The following ACTL8 variants were observed in gnomAD, a reference collection of about 807,000 sequenced individuals.
The protein encoded by ACTL8 is actin-like protein 8.
In ACTL8, 3 loss-of-function variants were observed where a neutral mutation model predicts 9.3. The ratio of observed to expected loss-of-function variants is 0.32; its 90% CI spans 0.15 to 0.83. The LOEUF is 0.83. Ranked by LOEUF, ACTL8 falls within the 40% of genes least tolerant of loss-of-function variation. ACTL8 has a pLI of 0.57. For missense variants in ACTL8, 381 were observed against 492.2 expected (o/e 0.77, Z 2.14); for synonymous variants, 224 against 205.9 (o/e 1.09, Z -0.75).
intron 1 of ACTL8, among the ~76,000 whole-genome samples, chr1:17,760,360 G>A (rs955809580): frequency 6.6e-6 from 1 of 152,196 alleles, no homozygotes; most frequent in Non-Finnish European, 1.5e-5. Context: ...TGGTGACTTG[G>A]TGTGGGACTT....
chr1:17,776,016 G>A (rs1170791281), intron 1 of ACTL8, among the ~76,000 whole-genome samples: 3 of 152,198 alleles, frequency 2.0e-5, no homozygotes, highest in Non-Finnish European at 2.9e-5. Flanking sequence ...TCCAGATGCT[G>A]AGGTTCAGGG....
intron 1 of ACTL8, among the ~76,000 whole-genome samples, chr1:17,756,685 T>C (rs913646809): frequency 6.6e-6 from 1 of 152,048 alleles, no homozygotes; most frequent in Non-Finnish European, 1.5e-5. Context: ...AGAGGTACCA[T>C]TTTGGGAGTG....
intron 1 of ACTL8, among the ~76,000 whole-genome samples, chr1:17,803,195 T>C (rs76087650): frequency 0.16 from 24,351 of 151,858 alleles, 2,671 homozygotes; most frequent in African/African-American, 0.3. Context: ...TTATAAGGGG[T>C]TTCCCGCCCC....
intron 1 of ACTL8, among the ~76,000 whole-genome samples, chr1:17,807,372 C>T (rs1349896553): frequency 6.6e-6 from 1 of 152,138 alleles, no homozygotes; most frequent in Non-Finnish European, 1.5e-5. Context: ...CTGGTTCAGT[C>T]CTTGCTCAGC....
At chr1:17,799,007 C>T (rs1416702065) in intron 1 of ACTL8, among the ~76,000 whole-genome samples, 1 of 152,216 alleles carries the variant, frequency 6.6e-6, no homozygotes, top group Non-Finnish European at 1.5e-5. Context: ...CGGATGCATT[C>T]CTGGCTCAGC....
chr1:17,777,453 T>C (rs1162616966), intron 1 of ACTL8, among the ~76,000 whole-genome samples: 1 of 152,102 alleles, frequency 6.6e-6, no homozygotes, highest in Non-Finnish European at 1.5e-5. Flanking sequence ...TTCCACCAGA[T>C]AAACACGTGC....
At chr1:17,762,764 C>T (rs1436576394) in intron 1 of ACTL8, among the ~76,000 whole-genome samples, 1 of 152,072 alleles carries the variant, frequency 6.6e-6, no homozygotes, top group Non-Finnish European at 1.5e-5. Flanking sequence ...CTTGGTGCCC[C>T]CCGCCCCCCA....
At chr1:17,807,491 G>A (rs1022626553) in intron 1 of ACTL8, among the ~76,000 whole-genome samples, 1 of 152,138 alleles carries the variant, frequency 6.6e-6, no homozygotes, top group Non-Finnish European at 1.5e-5. Context: ...CTGGGGAAAC[G>A]AGGAGTGAAG....
At chr1:17,816,470 C>G (rs1450392863) in intron 1 of ACTL8, among the ~76,000 whole-genome samples, 1 of 152,192 alleles carries the variant, frequency 6.6e-6, no homozygotes, top group East Asian at 1.9e-4. Flanking sequence ...TCCCAAAGTG[C>G]TAGTATTACA....
In ACTL8 at chr1:17,826,355, A is replaced by C. The variant is rs745814523; in HGVS notation, c.937A>C (p.Arg313=). The change falls in exon 3 of 3, where the codon AGG becomes CGG. Residue 313 remains arginine (R), a synonymous_variant. Transcript: ENST00000375406. The surrounding 1 kb of genome is among the most constrained non-coding windows in gnomAD (Gnocchi z 4.5). The part of the protein sequence containing the change: ...LYPGFTKRLF[R]ELMGDHVSST... ...TCCCGGGTTCACAAAGCGCCTGTTC[A>C]GGGAGCTGATGGGGGATCACGTCTC... 38 of 1,613,932 alleles carry C rather than the reference A, an allele frequency of 2.4e-5. No homozygotes were observed. The highest frequency in any genetic ancestry group is 3.1e-5 in the Non-Finnish European group (36 of 1,180,004).
At position 17,827,063 on chromosome 1, in the gene ACTL8, A is replaced by G. The variant is rs1171410788; in HGVS notation, c.*544A>G. On this transcript the variant is annotated 3_prime_UTR_variant, in exon 3 of 3. Transcript: ENST00000375406. Reference sequence around the variant, plus strand: ...CAAATAAATAGCTTGTTTGGAAGCAATGCTGGCTCCTGTGATGGATGGGGG... The same window carrying G: ...CAAATAAATAGCTTGTTTGGAAGCAGTGCTGGCTCCTGTGATGGATGGGGG... 2 of 152,438 alleles carry G rather than the reference A, an allele frequency of 1.3e-5. No homozygotes were observed. Among genetic ancestry groups the G allele is most frequent in the East Asian group, 1.9e-4 (1 of 5,192 alleles). The allele number at this position is 152,438 out of a possible 1,614,324, so 9.4% of individuals were successfully genotyped here.
rs2065962807 is a variant in ACTL8, at chr1:17,755,593, C to T, written c.-25+89C>T. ...TTTTTTGTCCTTCCTGTGGCACAGC[C>T]ATGCCCTCTTAAGCAAGGCCTGGCT... On this transcript the variant is annotated intron_variant, in intron 1 of 2. Transcript: ENST00000375406. 3 of 151,064 alleles carry T rather than the reference C, an allele frequency of 2.0e-5. No individual in the cohort carries two copies. In the East Asian group the frequency reaches 5.8e-4, roughly 29 times the overall value. The allele number at this position is 151,064 out of a possible 1,614,324, so 9.4% of individuals were successfully genotyped here.
intron 1 of ACTL8, among the ~76,000 whole-genome samples, chr1:17,771,016 C>T (rs962489041): frequency 2.0e-5 from 3 of 152,254 alleles, no homozygotes; most frequent in African/African-American, 4.8e-5. Context: ...CAGCAGTTAC[C>T]GCCTCATAGG....
At chr1:17,783,251 T>C (rs1432645596) in intron 1 of ACTL8, among the ~76,000 whole-genome samples, 1 of 152,108 alleles carries the variant, frequency 6.6e-6, no homozygotes, top group African/African-American at 2.4e-5. Context: ...TGGGAGGTAA[T>C]TGAATCATGG....
chr1:17,809,229 A>G (rs2066378114), intron 1 of ACTL8, among the ~76,000 whole-genome samples: 1 of 152,194 alleles, frequency 6.6e-6, no homozygotes, highest in Non-Finnish European at 1.5e-5. Context: ...GACAACAGCC[A>G]GCAAACACAC....
Position 17,823,207 on chromosome 1 carries a change from A to C in ACTL8, c.199A>C (p.Ile67Leu). The C allele has an allele frequency of 6.2e-7, 1 of 1,614,116 alleles. No individual in the cohort carries two copies. Among genetic ancestry groups the C allele is most frequent in the Non-Finnish European group, 8.5e-7 (1 of 1,180,020 alleles). Residue 67 changes from isoleucine (I) to leucine (L), a missense_variant, in exon 2 of 3, where the codon ATC becomes CTC. By Grantham distance (5) the Ile-to-Leu change is conservative. Transcript: ENST00000375406. The surrounding 1 kb of genome is among the most constrained non-coding windows in gnomAD (Gnocchi z 5.3). ...CCATCCTGACACCTTTAGCTACCCCATCGAGCGGGGCCGCATCCTCAACTG... is the reference window on the plus strand; with the variant it reads ...CCATCCTGACACCTTTAGCTACCCCCTCGAGCGGGGCCGCATCCTCAACTG... ...ICHPDTFSYP[I>L]ERGRILNWEG...
intron 1 of ACTL8, among the ~76,000 whole-genome samples, chr1:17,771,251 T>C (rs2066081278): frequency 6.6e-6 from 1 of 152,224 alleles, no homozygotes; most frequent in Non-Finnish European, 1.5e-5. Flanking sequence ...ACACTGAAAT[T>C]TGAATTTCAG....
At chr1:17,818,011 T>G (rs755866990) in intron 1 of ACTL8, among the ~76,000 whole-genome samples, 5 of 152,094 alleles carry the variant, frequency 3.3e-5, no homozygotes, top group Admixed American at 1.3e-4. Flanking sequence ...CTCAACCACG[T>G]TCAATTCCAT....
At position 17,825,640 on chromosome 1, in the gene ACTL8, G is replaced by A. The variant is rs2053708761; in HGVS notation, c.349-127G>A. 8 of 1,233,780 alleles carry A rather than the reference G, an allele frequency of 6.5e-6. No individual in the cohort carries two copies. In the South Asian group the frequency reaches 7.5e-5, roughly 12 times the overall value. The allele number at this position is 1,233,780 out of a possible 1,614,324, so 76.4% of individuals were successfully genotyped here. On this transcript the variant is annotated intron_variant, in intron 2 of 2. Coordinates refer to ENST00000375406, the MANE Select transcript of ACTL8 (RefSeq NM_030812.3). ...TTATCCTCACTGCATAAGCTCCAGG[G>A]GCCCTGGGCGCAGCATCCTGGGGCA...
Sources: gnomAD v4.1 joint callset for allele counts (sites outside exome capture counted in the v4.1 genomes callset) on GRCh38, gnomAD v4.1.1 for gene constraint, Gnocchi (gnomAD v3.1) non-coding constraint, MANE v1.5 for transcripts, NCBI Gene and HGNC (gene_info 2026-07-23, HGNC 2026-07-21) for gene names.